The following CFAP61 variants were observed in gnomAD, a reference collection of about 807,000 sequenced individuals.
CFAP61 encodes the protein cilia- and flagella-associated protein 61.
CFAP61 carries 107 observed loss-of-function variants against 135.6 expected under a neutral mutation model. The observed-to-expected ratio is 0.79, with a 90% CI of 0.67 to 0.93. CFAP61 has a LOEUF of 0.93. Ranked by LOEUF, CFAP61 falls within the 40% of genes least tolerant of loss-of-function variation. The pLI, the probability that CFAP61 is intolerant of heterozygous loss-of-function variation, is 0.00. For missense variants in CFAP61, 1,507 were observed against 1,556.2 expected (o/e 0.97, Z 0.53); for synonymous variants, 575 against 578.5 (o/e 0.99, Z 0.09).
At chr20:20,222,627 C>T (rs1052229352) in intron 17 of CFAP61, among the ~76,000 whole-genome samples, 1 of 152,152 alleles carries the variant, frequency 6.6e-6, no homozygotes, top group African/African-American at 2.4e-5. Context: ...CTCTGCGGGA[C>T]AGAGGTGTTG....
In CFAP61 at chr20:20,277,433, C is replaced by G. The variant is rs746726336; in HGVS notation, c.2771C>G (p.Thr924Ser). The G allele has an allele frequency of 3.7e-6, 6 of 1,612,426 alleles. No homozygotes were observed. The East Asian group carries it at 1.1e-4, about 30-fold the overall frequency. ...TACAGCGCCTCCTTCACCACACCCA[C>G]CAAGCCTTTCAGACTCCAGTGCTCT... ...PIYSASFTTPTKPFRLQCSMF... is the reference protein window; with the variant it reads ...PIYSASFTTPSKPFRLQCSMF... The change falls in exon 22 of 27, where the codon ACC becomes AGC. Residue 924 changes from threonine (T) to serine (S), a missense_variant. By Grantham distance (58) the Thr-to-Ser change is moderately conservative. Transcript: ENST00000245957.
At chr20:20,187,064 G>A (rs1453317599) in intron 13 of CFAP61, among the ~76,000 whole-genome samples, 1 of 152,152 alleles carries the variant, frequency 6.6e-6, no homozygotes, top group East Asian at 1.9e-4. Flanking sequence ...TGGGGGATGG[G>A]TAGGAGGTCC....
chr20:20,282,667 G>A (rs2054283240), intron 22 of CFAP61, among the ~76,000 whole-genome samples: 1 of 152,098 alleles, frequency 6.6e-6, no homozygotes, highest in South Asian at 2.1e-4. Flanking sequence ...AGCCAGGGAC[G>A]GTAACTCACA....
At chr20:20,279,265 C>A (rs976569337) in intron 22 of CFAP61, among the ~76,000 whole-genome samples, 2 of 152,170 alleles carry the variant, frequency 1.3e-5, no homozygotes, top group African/African-American at 4.8e-5. Context: ...CAGCAACCCT[C>A]CTCACAAAGT....
At chr20:20,306,362 T>C (rs1369442684) in intron 25 of CFAP61, among the ~76,000 whole-genome samples, 2 of 152,232 alleles carry the variant, frequency 1.3e-5, no homozygotes, top group African/African-American at 2.4e-5. Context: ...GCATATCATG[T>C]TAGTTAGGAC....
chr20:20,347,330 A>G (rs2058668996), intron 26 of CFAP61, among the ~76,000 whole-genome samples: 2 of 152,218 alleles, frequency 1.3e-5, no homozygotes, highest in African/African-American at 4.8e-5. Context: ...AACTAGAAAA[A>G]GAAAACCAAA....
chr20:20,147,093 G>A (rs757371069), intron 9 of CFAP61, among the ~76,000 whole-genome samples: 3 of 152,100 alleles, frequency 2.0e-5, no homozygotes, highest in Admixed American at 6.6e-5. Flanking sequence ...TCCTTTCTAT[G>A]GTTGAATAGT....
intron 6 of CFAP61, among the ~76,000 whole-genome samples, chr20:20,082,091 A>G (rs2046471208): frequency 6.6e-6 from 1 of 152,262 alleles, no homozygotes; most frequent in Non-Finnish European, 1.5e-5. Context: ...TAACAACGCT[A>G]GAAAAATGGA....
intron 20 of CFAP61, among the ~76,000 whole-genome samples, chr20:20,252,799 G>C (rs2051056923): frequency 6.6e-6 from 1 of 152,248 alleles, no homozygotes; most frequent in Non-Finnish European, 1.5e-5. Context: ...TGTTGCCACA[G>C]AATGTGCTCA....
chr20:20,230,764 C>T (rs1056058211), intron 18 of CFAP61, among the ~76,000 whole-genome samples: 3 of 152,116 alleles, frequency 2.0e-5, no homozygotes, highest in Non-Finnish European at 2.9e-5. Context: ...CCATGTTGGC[C>T]GGGCTGGTCT....
intron 7 of CFAP61, among the ~76,000 whole-genome samples, chr20:20,094,000 C>T (rs1161289406): frequency 6.6e-6 from 1 of 152,058 alleles, no homozygotes; most frequent in Admixed American, 6.5e-5. Context: ...TTAAAGATCT[C>T]CCCAGATGAT....
At chr20:20,202,356 A>G (rs1178470528) in intron 17 of CFAP61, among the ~76,000 whole-genome samples, 2 of 152,122 alleles carry the variant, frequency 1.3e-5, no homozygotes, top group African/African-American at 4.8e-5. Context: ...TTTTATTGCT[A>G]CTCATTGTAC....
chr20:20,204,273 C>G lies in CFAP61; in HGVS notation c.1932+4371C>G, dbSNP rs2056763654. Among the ~76,000 whole-genome samples, 2 of 152,178 alleles carry G rather than the reference C, an allele frequency of 1.3e-5. 1 individual carries two copies. Among genetic ancestry groups the G allele is most frequent in the South Asian group, 4.1e-4 (2 of 4,832 alleles). ...TAATGATGGTCTGATTAAATCTCAA[C>G]TAATGAATTCTTTGGAGGCCTCCAT... is the stretch of plus-strand genomic sequence containing the variant. On this transcript the variant is annotated intron_variant, in intron 17 of 26. Coordinates refer to ENST00000245957, the MANE Select transcript of CFAP61 (RefSeq NM_015585.4).
chr20:20,239,238 C>G (rs541041744), intron 18 of CFAP61, among the ~76,000 whole-genome samples: 2 of 152,160 alleles, frequency 1.3e-5, no homozygotes, highest in Non-Finnish European at 2.9e-5. Flanking sequence ...TAGACCAATA[C>G]TCTTACATAG....
intron 23 of CFAP61, among the ~76,000 whole-genome samples, chr20:20,290,060 T>C (rs530648761): frequency 2.9e-4 from 44 of 152,326 alleles, no homozygotes; most frequent in Non-Finnish European, 6.0e-4. Context: ...CAAGATCGGC[T>C]TGGCACATCC....
At chr20:20,192,207 A>G (rs1601308485) in intron 15 of CFAP61, among the ~76,000 whole-genome samples, 1 of 152,004 alleles carries the variant, frequency 6.6e-6, no homozygotes, top group African/African-American at 2.4e-5. Flanking sequence ...ATGGCTTTCT[A>G]TGTTGTTGTT....
chr20:20,287,953 C>T (rs938920945), intron 22 of CFAP61, among the ~76,000 whole-genome samples: 1 of 152,150 alleles, frequency 6.6e-6, no homozygotes, highest in Non-Finnish European at 1.5e-5. Flanking sequence ...GGGTTGGTGG[C>T]CCCTCTGCTT....
intron 6 of CFAP61, among the ~76,000 whole-genome samples, chr20:20,081,009 A>G (rs747087738): frequency 2.6e-5 from 4 of 152,248 alleles, no homozygotes; most frequent in Non-Finnish European, 5.9e-5. Flanking sequence ...TCAAAAAAAA[A>G]AAGAAAAGAA....
chr20:20,300,979 G>T (rs1001685990), intron 25 of CFAP61, among the ~76,000 whole-genome samples: 1 of 152,084 alleles, frequency 6.6e-6, no homozygotes, highest in Non-Finnish European at 1.5e-5. Context: ...AGATTATAAA[G>T]TAAAAAGAGT....
Sources: gnomAD v4.1 joint callset for allele counts (sites outside exome capture counted in the v4.1 genomes callset) on GRCh38, gnomAD v4.1.1 for gene constraint, MANE v1.5 for transcripts, NCBI Gene and HGNC (gene_info 2026-07-23, HGNC 2026-07-21) for gene names.